MAP4K5: variants seen among roughly 807,000 people sequenced by gnomAD.
MAP4K5 encodes the protein mitogen-activated protein kinase kinase kinase kinase 5, also known as MAPK/ERK kinase kinase kinase 5.
MAP4K5 carries 82 observed loss-of-function variants against 135.6 expected under a neutral mutation model. The ratio of observed to expected loss-of-function variants is 0.60; its 90% CI spans 0.51 to 0.73. The LOEUF (loss-of-function observed/expected upper bound fraction) is 0.73. MAP4K5 is among the 30% of genes least tolerant of loss of function. The pLI is 0.00. For synonymous variants in MAP4K5, 347 were observed against 335.0 expected (o/e 1.04, Z -0.39); for missense variants, 907 against 1,010.9 (o/e 0.90, Z 1.39).
At chr14:50,458,038 A>C (rs2036629022) in intron 13 of MAP4K5, among the ~76,000 whole-genome samples, 1 of 152,108 alleles carries the variant, frequency 6.6e-6, no homozygotes, top group Non-Finnish European at 1.5e-5. Flanking sequence ...AAATTCATCT[A>C]ATCTGAGCTC....
At chr14:50,460,701 G>A (rs914401143) in intron 13 of MAP4K5, among the ~76,000 whole-genome samples, 1 of 152,124 alleles carries the variant, frequency 6.6e-6, no homozygotes, top group African/African-American at 2.4e-5. Flanking sequence ...GACATGACAG[G>A]ATTATGCTAT....
intron 2 of MAP4K5, among the ~76,000 whole-genome samples, chr14:50,540,421 C>G (rs972519529): frequency 1.3e-5 from 2 of 152,098 alleles, no homozygotes; most frequent in Non-Finnish European, 2.9e-5. Context: ...AACCTGGAGT[C>G]CCTTAATTAA....
intron 32 of MAP4K5, among the ~76,000 whole-genome samples, chr14:50,420,750 A>G (rs1436182549): frequency 2.0e-5 from 3 of 152,212 alleles, no homozygotes; most frequent in African/African-American, 4.8e-5. Flanking sequence ...AGAATAAAAT[A>G]GGACTCTAAG....
At chr14:50,463,991 G>C (rs1334313403) in intron 12 of MAP4K5, 61 bp downstream of exon 12, 1 of 771,338 alleles carries the variant, frequency 1.3e-6, no homozygotes, top group African/African-American at 2.0e-5. Context: ...AAATACTTTT[G>C]TTCTACTGAT....
At chr14:50,474,248 G>A (rs1389713712) in intron 9 of MAP4K5, among the ~76,000 whole-genome samples, 1 of 151,926 alleles carries the variant, frequency 6.6e-6, no homozygotes, top group Non-Finnish European at 1.5e-5. Context: ...AAATTAGCTG[G>A]CTGTGATGTT....
chr14:50,425,780 TACCAG>T, intron 31 of MAP4K5, 122 bp downstream of exon 31: 5 of 530,018 alleles, frequency 9.4e-6, no homozygotes, highest in African/African-American at 1.9e-5. Flanking sequence ...TTTTTTGTTC[TACCAG>T]TTCATAGTAT....
chr14:50,455,210 A>G (rs1053304513), intron 14 of MAP4K5, among the ~76,000 whole-genome samples: 1 of 152,048 alleles, frequency 6.6e-6, no homozygotes, highest in African/African-American at 2.4e-5. Context: ...AATAATGTAT[A>G]TCAGGTTTTT....
intron 2 of MAP4K5, among the ~76,000 whole-genome samples, chr14:50,513,520 G>A (rs927324930): frequency 2.6e-5 from 4 of 151,660 alleles, no homozygotes; most frequent in Admixed American, 1.3e-4. Context: ...TGGAAGACAC[G>A]AATCAATACA....
At chr14:50,560,175 C>A in intron 1 of MAP4K5, 1 of 1,507,960 alleles carries the variant, frequency 6.6e-7, no homozygotes, top group Non-Finnish European at 9.1e-7. Context: ...CCAGCGCGGG[C>A]ACGGAGCCTC....
chr14:50,544,120 A>C (rs1289148813), intron 1 of MAP4K5, among the ~76,000 whole-genome samples: 1 of 152,210 alleles, frequency 6.6e-6, no homozygotes, highest in Non-Finnish European at 1.5e-5. Context: ...CTTAGTATTC[A>C]CATCTCTAAT....
At chr14:50,491,021 A>AAGGGTCCTCTGAT (rs1382991059) in intron 3 of MAP4K5, among the ~76,000 whole-genome samples, 1 of 152,176 alleles carries the variant, frequency 6.6e-6, no homozygotes, top group African/African-American at 2.4e-5. Context: ...CCTCGTGTAT[A>AAGGGTCCTCTGAT]AGGGTCCTCT....
chr14:50,524,785 A>G (rs983739846), intron 2 of MAP4K5, among the ~76,000 whole-genome samples: 5 of 152,048 alleles, frequency 3.3e-5, no homozygotes, highest in African/African-American at 1.2e-4. Flanking sequence ...GGGCCTTAAC[A>G]GGAATATTAT....
chr14:50,462,135 CGAA>C, intron 13 of MAP4K5, among the ~76,000 whole-genome samples: 1 of 152,196 alleles, frequency 6.6e-6, no homozygotes, highest in South Asian at 2.1e-4. Flanking sequence ...AGCTGGATTT[CGAA>C]GAAGTCCTTT....
At chr14:50,461,917 CAA>C (rs770904631) in intron 13 of MAP4K5, among the ~76,000 whole-genome samples, 4 of 119,232 alleles carry the variant, frequency 3.4e-5, no homozygotes, top group Admixed American at 8.7e-5. Context: ...GACTCCATCT[CAA>C]AAAAAAAAAA....
In MAP4K5 at chr14:50,423,187, A is replaced by G; in HGVS notation, c.2398-11T>C. The G allele has an allele frequency of 7.2e-7, 1 of 1,397,566 alleles. No homozygotes were observed. Among genetic ancestry groups the G allele is most frequent in the Non-Finnish European group, 1.0e-6 (1 of 992,868 alleles). 86.6% of individuals were successfully genotyped at this position (1,397,566 alleles called of 1,614,324 possible). Reference sequence around the variant, plus strand: ...AATCTCCTGGGTAACCTAGGAAAGAAAAATACCTATCAGTAACATCTTACT... The same window carrying G: ...AATCTCCTGGGTAACCTAGGAAAGAGAAATACCTATCAGTAACATCTTACT... On this transcript the variant is annotated splice_polypyrimidine_tract_variant and intron_variant, in intron 31 of 32. Transcript: ENST00000682126.
intron 3 of MAP4K5, among the ~76,000 whole-genome samples, chr14:50,489,321 CTG>C: frequency 6.6e-6 from 1 of 152,270 alleles, no homozygotes; most frequent in Middle Eastern, 3.4e-3. Flanking sequence ...GCACTTCAGA[CTG>C]GGGAACAGAG....
At chr14:50,426,112 C>G in intron 30 of MAP4K5, 135 bp from the exon 31 acceptor site, 1 of 483,988 alleles carries the variant, frequency 2.1e-6, no homozygotes, top group Non-Finnish European at 3.7e-6. Context: ...ACCACGATTT[C>G]TCAACATTTT....
intron 2 of MAP4K5, among the ~76,000 whole-genome samples, chr14:50,511,170 A>G (rs2037922971): frequency 6.6e-6 from 1 of 152,188 alleles, no homozygotes; most frequent in Non-Finnish European, 1.5e-5. Flanking sequence ...GTGTCCAACA[A>G]TGATAAATAA....
At chr14:50,534,030 G>C (rs1239239445), upstream of MAP4K5, among the ~76,000 whole-genome samples, 1 of 152,142 alleles carries the variant, frequency 6.6e-6, no homozygotes, top group Non-Finnish European at 1.5e-5. Flanking sequence ...CACTTGTTTT[G>C]GTGGGCACAT....
Sources: allele counts gnomAD v4.1 joint callset (sites outside exome capture counted in the v4.1 genomes callset), GRCh38; gene constraint gnomAD v4.1.1; transcripts MANE v1.5; gene names NCBI Gene and HGNC (gene_info 2026-07-23, HGNC 2026-07-21).